The following RABGAP1L variants were observed in gnomAD, a reference collection of about 807,000 sequenced individuals.
RABGAP1L encodes rab GTPase-activating protein 1-like.
A neutral mutation model predicts 137.7 loss-of-function variants in RABGAP1L; 63 were observed. The observed-to-expected ratio is 0.46, with a 90% CI of 0.37 to 0.56. The LOEUF is 0.56. Ranked by LOEUF, RABGAP1L falls within the 20% of genes least tolerant of loss-of-function variation. RABGAP1L has a pLI of 0.00. For synonymous variants in RABGAP1L, 431 were observed against 433.7 expected (o/e 0.99, Z 0.08); for missense variants, 1,095 against 1,244.0 (o/e 0.88, Z 1.80).
At chr1:174,372,696 TG>T (rs975682725) in intron 12 of RABGAP1L, among the ~76,000 whole-genome samples, 27 of 152,282 alleles carry the variant, frequency 1.8e-4, no homozygotes, top group Admixed American at 1.4e-3. Context: ...AAAGTGTTGT[TG>T]TTTTTTTTTA....
chr1:174,654,619 A>C (rs1675824435), intron 14 of RABGAP1L, among the ~76,000 whole-genome samples: 1 of 152,190 alleles, frequency 6.6e-6, no homozygotes, highest in Admixed American at 6.6e-5. Context: ...TAATGAGGAC[A>C]TTACAATTTT....
chr1:174,540,507 C>A (rs1192303234), intron 13 of RABGAP1L, among the ~76,000 whole-genome samples: 2 of 152,184 alleles, frequency 1.3e-5, no homozygotes, highest in Admixed American at 1.3e-4. Context: ...CAGCTTTCTA[C>A]GTATGGCTAG....
At chr1:174,409,017 G>C (rs1343930396) in intron 13 of RABGAP1L, among the ~76,000 whole-genome samples, 3 of 152,044 alleles carry the variant, frequency 2.0e-5, no homozygotes, top group Non-Finnish European at 4.4e-5. Context: ...TAGGTTTTCT[G>C]TTTACTCTAT....
At chr1:174,599,191 A>G (rs781627780) in intron 13 of RABGAP1L, among the ~76,000 whole-genome samples, 46 of 152,232 alleles carry the variant, frequency 3.0e-4, no homozygotes, top group Non-Finnish European at 4.8e-4. Flanking sequence ...ACTGCTTGTA[A>G]AACCAAACGA....
chr1:174,909,447 G>C (rs1363519225), intron 19 of RABGAP1L, among the ~76,000 whole-genome samples: 2 of 152,110 alleles, frequency 1.3e-5, no homozygotes, highest in Non-Finnish European at 2.9e-5. Flanking sequence ...GGATGGTCTT[G>C]AACTGCTGAG....
At chr1:174,822,392 C>A (rs1691123322) in intron 19 of RABGAP1L, among the ~76,000 whole-genome samples, 2 of 152,150 alleles carry the variant, frequency 1.3e-5, no homozygotes, top group Non-Finnish European at 2.9e-5. Context: ...TTGTTTTATT[C>A]CCAGTGAGCA....
intron 19 of RABGAP1L, among the ~76,000 whole-genome samples, chr1:174,815,056 G>C (rs983644765): frequency 6.6e-6 from 1 of 152,056 alleles, no homozygotes; most frequent in Non-Finnish European, 1.5e-5. Context: ...AAACCAAAAG[G>C]CTGACCACAA....
intron 17 of RABGAP1L, among the ~76,000 whole-genome samples, chr1:174,711,533 G>C (rs72715281): frequency 0.21 from 32,392 of 152,100 alleles, 3,766 homozygotes; most frequent in Admixed American, 0.25. Context: ...GAGGTGCTTC[G>C]CACCCGGGCC....
intron 13 of RABGAP1L, among the ~76,000 whole-genome samples, chr1:174,544,256 TC>T (rs1297951445): frequency 6.6e-6 from 1 of 152,024 alleles, no homozygotes; most frequent in Non-Finnish European, 1.5e-5. Context: ...TTTGTTTTTT[TC>T]ACATAGTCCC....
At chr1:174,793,747 G>GTGCA (rs1688036108) in intron 18 of RABGAP1L, among the ~76,000 whole-genome samples, 1 of 151,886 alleles carries the variant, frequency 6.6e-6, no homozygotes, top group Non-Finnish European at 1.5e-5. Context: ...CCAGGCTGGA[G>GTGCA]TGCAGTGTCA....
chr1:174,869,948 G>A (rs900380632), intron 19 of RABGAP1L, among the ~76,000 whole-genome samples: 2 of 152,080 alleles, frequency 1.3e-5, no homozygotes, highest in African/African-American at 4.8e-5. Flanking sequence ...ATAAATTTCT[G>A]TTGTGTATAA....
intron 11 of RABGAP1L, among the ~76,000 whole-genome samples, chr1:174,325,419 A>C (rs1208503031): frequency 6.6e-6 from 1 of 152,198 alleles, no homozygotes; most frequent in East Asian, 1.9e-4. Flanking sequence ...TTGCACAACT[A>C]TCCACATATG....
intron 13 of RABGAP1L, among the ~76,000 whole-genome samples, chr1:174,443,481 G>T (rs570454142): frequency 6.6e-6 from 1 of 152,066 alleles, no homozygotes; most frequent in Non-Finnish European, 1.5e-5. Context: ...GAGGCAAAAT[G>T]AGTAATTTTT....
chr1:174,281,364 G>T (rs1279844361), intron 10 of RABGAP1L, among the ~76,000 whole-genome samples: 2 of 152,116 alleles, frequency 1.3e-5, no homozygotes, highest in African/African-American at 2.4e-5. Context: ...GTGCTGTTTG[G>T]TGTGTTTACA....
chr1:174,739,605 C>T (rs1217333014), intron 17 of RABGAP1L, among the ~76,000 whole-genome samples: 1 of 152,182 alleles, frequency 6.6e-6, no homozygotes, highest in Non-Finnish European at 1.5e-5. Context: ...TCTCCTGCCT[C>T]TGTGTGTTAT....
At chr1:174,589,943 G>A (rs2148124393) in intron 13 of RABGAP1L, among the ~76,000 whole-genome samples, 1 of 152,136 alleles carries the variant, frequency 6.6e-6, no homozygotes, top group East Asian at 1.9e-4. Context: ...GCTATTCCAG[G>A]TCTTTCATGG....
At chr1:174,971,468 G>A (rs758071267) in intron 21 of RABGAP1L, among the ~76,000 whole-genome samples, 3 of 152,074 alleles carry the variant, frequency 2.0e-5, no homozygotes, top group Non-Finnish European at 4.4e-5. Context: ...GGTTCCATCA[G>A]ACCTTCATTC....
At chr1:174,533,869 A>G (rs569810786) in intron 13 of RABGAP1L, among the ~76,000 whole-genome samples, 10 of 152,220 alleles carry the variant, frequency 6.6e-5, no homozygotes, top group African/African-American at 2.4e-4. Context: ...ATGAGGTTTC[A>G]TTATGGTGGC....
At chr1:174,747,658 C>T (rs1683990586) in intron 17 of RABGAP1L, among the ~76,000 whole-genome samples, 1 of 152,046 alleles carries the variant, frequency 6.6e-6, no homozygotes, top group African/African-American at 2.4e-5. Context: ...AAAGTTTCCT[C>T]TTTAGCTTCC....
Sources: gnomAD v4.1 joint callset for allele counts (sites outside exome capture counted in the v4.1 genomes callset) on GRCh38, gnomAD v4.1.1 for gene constraint, MANE v1.5 for transcripts, NCBI Gene and HGNC (gene_info 2026-07-23, HGNC 2026-07-21) for gene names.